Variants in LRBA observed in about 807,000 individuals in gnomAD.
The protein encoded by LRBA is LPS responsive beige-like anchor protein.
A neutral mutation model predicts 330.0 loss-of-function variants in LRBA; 176 were observed. That is an observed-to-expected ratio of 0.53 (90% CI 0.47 to 0.60). The LOEUF (loss-of-function observed/expected upper bound fraction) is 0.60. Among genes scored for constraint, LRBA ranks in the 20% least tolerant of loss-of-function variants. The probability of loss-of-function intolerance (pLI) is 0.00; values close to 1 mark genes in which losing one functional copy is unlikely to be tolerated. For missense variants in LRBA, 3,259 were observed against 3,444.8 expected, an observed-to-expected ratio of 0.95 and a Z score of 1.35; for synonymous variants, 1,230 against 1,193.0, an observed-to-expected ratio of 1.03 and a Z score of -0.64.
At chr4:150,388,933 C>A (rs1178395974) in intron 47 of LRBA, among the ~76,000 whole-genome samples, 2 of 152,040 alleles carry the variant, frequency 1.3e-5, no homozygotes, top group Admixed American at 6.6e-5. Context: ...AATAATGGAC[C>A]ATGCAGGTTT....
chr4:150,609,433 C>T (rs1034431986), intron 37 of LRBA, among the ~76,000 whole-genome samples: 5 of 152,072 alleles, frequency 3.3e-5, no homozygotes, highest in African/African-American at 7.2e-5. Context: ...TTTATACATC[C>T]GGGGACAGAG....
At chr4:150,895,922 T>C (rs1730034040) in intron 16 of LRBA, among the ~76,000 whole-genome samples, 1 of 152,162 alleles carries the variant, frequency 6.6e-6, no homozygotes, top group Admixed American at 6.5e-5. Flanking sequence ...TGTTCCTATT[T>C]CTCCACATCC....
chr4:150,288,343 C>T (rs1190319135), intron 53 of LRBA, among the ~76,000 whole-genome samples: 2 of 151,908 alleles, frequency 1.3e-5, no homozygotes, highest in African/African-American at 4.8e-5. Flanking sequence ...CGCAATGGCT[C>T]ACGCCTGTAA....
chr4:150,268,319 A>G (rs1227339372), intron 56 of LRBA, among the ~76,000 whole-genome samples: 1 of 152,216 alleles, frequency 6.6e-6, no homozygotes, highest in Non-Finnish European at 1.5e-5. Context: ...CCTAGACAAG[A>G]TGGCTTCACT....
chr4:150,552,175 C>A (rs1766689633), intron 40 of LRBA, among the ~76,000 whole-genome samples: 1 of 152,130 alleles, frequency 6.6e-6, no homozygotes, highest in African/African-American at 2.4e-5. Flanking sequence ...CTATGTGGCC[C>A]AGTTCCTGAC....
intron 40 of LRBA, among the ~76,000 whole-genome samples, chr4:150,559,609 T>C (rs1767819578): frequency 9.2e-6 from 1 of 109,114 alleles, no homozygotes; most frequent in East Asian, 2.3e-4. Flanking sequence ...AATGTATATT[T>C]ATATATTGTA....
At chr4:150,599,205 G>A in intron 37 of LRBA, 74 bp from the exon 38 acceptor site, 4 of 1,531,994 alleles carry the variant, frequency 2.6e-6, no homozygotes, top group Non-Finnish European at 3.6e-6. Context: ...TCTGCATAAA[G>A]CTCTCCTTGT....
At position 150,828,436 on chromosome 4, in the gene LRBA, C is replaced by T. The variant is rs1329259584; in HGVS notation, c.4915G>A (p.Glu1639Lys). 11 of 1,614,002 alleles carry T rather than the reference C, an allele frequency of 6.8e-6. No homozygotes were observed. Among genetic ancestry groups the T allele is most frequent in the Non-Finnish European group, 8.5e-6 (10 of 1,180,022 alleles). The part of the protein sequence containing the change: ...GVSAGPDAIS[E>K]VLSTLSLEVN... ...TCTAAAGAAAGAGTAGATAGCACCT[C>T]GCTGATTGCATCTGGGCCTGCACTG... Residue 1639 changes from glutamate (E) to lysine (K), a missense_variant, in exon 30 of 57, where the codon GAG (glutamate) becomes AAG (lysine). Glu to Lys is a moderately conservative substitution (Grantham distance 56, BLOSUM62 1). Coordinates refer to ENST00000651943, the MANE Select transcript of LRBA (RefSeq NM_001364905.1).
chr4:150,791,778 C>T (rs983739461), intron 34 of LRBA, among the ~76,000 whole-genome samples: 4 of 152,040 alleles, frequency 2.6e-5, no homozygotes, highest in African/African-American at 9.7e-5. Context: ...CCTGTAATCC[C>T]AGCACTTTGG....
intron 34 of LRBA, among the ~76,000 whole-genome samples, chr4:150,791,049 T>C (rs959864363): frequency 1.3e-5 from 2 of 152,232 alleles, no homozygotes; most frequent in African/African-American, 4.8e-5. Context: ...AAATTCCTTT[T>C]TGAAATTGAA....
In LRBA at chr4:150,407,311, A is replaced by G. The variant is rs1162568725; in HGVS notation, c.7194+8127T>C. On this transcript the variant is annotated intron_variant, in intron 47 of 56. Coordinates refer to ENST00000651943, the MANE Select transcript of LRBA (RefSeq NM_001364905.1). ...TAAATTTCTGCTGTTTAAGCCACCA[A>G]GTGTTTGCAGTAATTTGCTATAGCA... Among the ~76,000 whole-genome samples, 3 of 152,218 alleles carry G rather than the reference A, an allele frequency of 2.0e-5. No homozygotes were observed. The East Asian group carries it at 5.8e-4, about 29-fold the overall frequency.
At chr4:150,395,379 T>G (rs188649220) in intron 47 of LRBA, among the ~76,000 whole-genome samples, 2 of 152,268 alleles carry the variant, frequency 1.3e-5, no homozygotes, top group East Asian at 3.9e-4. Context: ...TTCTTCCCCT[T>G]ATGTTCTTTA....
chr4:150,897,535 A>G (rs1730223397), intron 15 of LRBA, among the ~76,000 whole-genome samples: 1 of 152,066 alleles, frequency 6.6e-6, no homozygotes. Flanking sequence ...ATAAAATACA[A>G]CTACCAATCC....
intron 40 of LRBA, among the ~76,000 whole-genome samples, chr4:150,525,743 G>C (rs1312299491): frequency 6.6e-6 from 1 of 151,794 alleles, no homozygotes; most frequent in African/African-American, 2.4e-5. Flanking sequence ...TTTACACTAG[G>C]GAATCTTATA....
intron 2 of LRBA, among the ~76,000 whole-genome samples, chr4:150,988,686 C>A (rs968873442): frequency 2.0e-5 from 3 of 151,916 alleles, no homozygotes; most frequent in Non-Finnish European, 4.4e-5. Context: ...TCAAGCTATT[C>A]TCTTGCCTCA....
At chr4:150,641,462 T>A (rs1335339485) in intron 37 of LRBA, among the ~76,000 whole-genome samples, 2 of 152,178 alleles carry the variant, frequency 1.3e-5, no homozygotes, top group Admixed American at 6.6e-5. Context: ...CTTCTAAATA[T>A]GTCATGATGG....
At chr4:150,973,466 CTAAAAT>C (rs1739807201) in intron 2 of LRBA, among the ~76,000 whole-genome samples, 2 of 152,080 alleles carry the variant, frequency 1.3e-5, no homozygotes, top group African/African-American at 2.4e-5. Context: ...CATGCTTGGC[CTAAAAT>C]TAAAATTTTT....
intron 36 of LRBA, among the ~76,000 whole-genome samples, chr4:150,728,714 G>A (rs894332582): frequency 2.0e-5 from 3 of 149,378 alleles, no homozygotes; most frequent in Non-Finnish European, 1.5e-5. Flanking sequence ...AACATAATAA[G>A]CCATATATGA....
At chr4:150,860,938 T>A (rs989509994) in intron 22 of LRBA, among the ~76,000 whole-genome samples, 9 of 152,200 alleles carry the variant, frequency 5.9e-5, no homozygotes, top group Admixed American at 2.0e-4. Context: ...TAGAGTGTAC[T>A]TAAGCAAACC....
Sources: gnomAD v4.1 joint callset for allele counts (sites outside exome capture counted in the v4.1 genomes callset) on GRCh38, gnomAD v4.1.1 for gene constraint, MANE v1.5 for transcripts, NCBI Gene and HGNC (gene_info 2026-07-23, HGNC 2026-07-21) for gene names.